Variants in KHDRBS2 observed in about 807,000 individuals in gnomAD.
KHDRBS2 encodes the protein KH domain-containing, RNA-binding, signal transduction-associated protein 2.
In KHDRBS2, 26 loss-of-function variants were observed where a neutral mutation model predicts 44.3. The observed-to-expected ratio is 0.59, with a 90% CI of 0.43 to 0.81. The LOEUF (loss-of-function observed/expected upper bound fraction) is 0.81, where lower values mean the gene tolerates loss of function less well. Among genes scored for constraint, KHDRBS2 ranks in the 40% least tolerant of loss-of-function variants. KHDRBS2 has a pLI of 0.00. For missense variants in KHDRBS2, 476 were observed against 433.1 expected (o/e 1.10, Z -0.88); for synonymous variants, 194 against 151.1 (o/e 1.28, Z -2.08).
At chr6:61,543,951 G>A in the KHDRBS2 span, among the ~76,000 whole-genome samples, 32 of 151,840 alleles carry the variant, frequency 2.1e-4, no homozygotes, top group Non-Finnish European at 3.8e-4. Context: ...CCAGCAGCTG[G>A]GAAGGGTAAT....
the KHDRBS2 span, among the ~76,000 whole-genome samples, chr6:61,615,233 C>CAAAAAA: frequency 0.2 from 11,774 of 57,658 alleles, 1,732 homozygotes; most frequent in South Asian, 0.27. Context: ...ACTCCATCTC[C>CAAAAAA]AAAAAAAAAA....
chr6:62,267,397 T>C (rs1399380018), intron 1 of KHDRBS2, among the ~76,000 whole-genome samples: 1 of 152,042 alleles, frequency 6.6e-6, no homozygotes, highest in Non-Finnish European at 1.5e-5. Flanking sequence ...TAATGCCAAG[T>C]TCCCATCAGA....
At chr6:61,610,307 G>T in the KHDRBS2 span, among the ~76,000 whole-genome samples, 1 of 151,984 alleles carries the variant, frequency 6.6e-6, no homozygotes, top group Non-Finnish European at 1.5e-5. Context: ...ATTTAGCATG[G>T]TTTTAAAAGA....
At chr6:61,543,236 T>C in the KHDRBS2 span, among the ~76,000 whole-genome samples, 1 of 151,848 alleles carries the variant, frequency 6.6e-6, no homozygotes, top group Non-Finnish European at 1.5e-5. Flanking sequence ...TAATAAAGTA[T>C]ATAATGATCT....
intron 6 of KHDRBS2, among the ~76,000 whole-genome samples, chr6:61,891,554 G>C (rs1801843709): frequency 6.6e-6 from 1 of 152,040 alleles, no homozygotes; most frequent in Non-Finnish European, 1.5e-5. Flanking sequence ...CTGTGAATCT[G>C]TCTGGTCCTG....
intron 2 of KHDRBS2, among the ~76,000 whole-genome samples, chr6:62,087,819 T>C (rs1798691287): frequency 6.6e-6 from 1 of 152,192 alleles, no homozygotes; most frequent in Non-Finnish European, 1.5e-5. Context: ...CCTGTCACCT[T>C]CAGGTACACC....
chr6:61,587,715 G>C, the KHDRBS2 span, among the ~76,000 whole-genome samples: 3 of 152,150 alleles, frequency 2.0e-5, no homozygotes, highest in South Asian at 4.2e-4. Context: ...ACAATGGATT[G>C]GTTAACTTTC....
At chr6:61,877,325 A>G (rs535032522) in intron 6 of KHDRBS2, among the ~76,000 whole-genome samples, 36 of 152,170 alleles carry the variant, frequency 2.4e-4, no homozygotes, top group African/African-American at 8.2e-4. Context: ...AAAGATAATT[A>G]CACACTTCCT....
intron 5 of KHDRBS2, 92 bp downstream of exon 5, chr6:61,901,152 T>C: frequency 8.3e-7 from 1 of 1,205,338 alleles, no homozygotes; most frequent in Middle Eastern, 2.0e-4. Context: ...TGGCTGATGT[T>C]GTTGTTTACT....
chr6:61,933,616 C>G (rs936659160), intron 4 of KHDRBS2, among the ~76,000 whole-genome samples: 3 of 152,098 alleles, frequency 2.0e-5, no homozygotes, highest in Non-Finnish European at 4.4e-5. Context: ...ATAGTATAGC[C>G]TATTGCTCAT....
chr6:61,823,864 T>C (rs568488032), intron 6 of KHDRBS2, among the ~76,000 whole-genome samples: 2 of 152,118 alleles, frequency 1.3e-5, no homozygotes, highest in African/African-American at 2.4e-5. Context: ...AAAACATGTA[T>C]ATGAGTCTCT....
At chr6:61,575,930 T>A in the KHDRBS2 span, among the ~76,000 whole-genome samples, 76 of 152,170 alleles carry the variant, frequency 5.0e-4, no homozygotes, top group African/African-American at 1.8e-3. Context: ...AAGAATGATA[T>A]AATGAACTTT....
intron 4 of KHDRBS2, among the ~76,000 whole-genome samples, chr6:61,959,049 A>T (rs1516713): frequency 0.014 from 2,089 of 152,248 alleles, 43 homozygotes; most frequent in African/African-American, 0.047. Context: ...TGTTCTTCAA[A>T]TGTTTTTGTG....
At chr6:61,843,516 C>G (rs1458104303) in intron 6 of KHDRBS2, among the ~76,000 whole-genome samples, 1 of 151,650 alleles carries the variant, frequency 6.6e-6, no homozygotes, top group Admixed American at 6.6e-5. Context: ...AGCCATGTAC[C>G]CCCACACCTG....
At chr6:61,547,760 G>T in the KHDRBS2 span, among the ~76,000 whole-genome samples, 1 of 152,144 alleles carries the variant, frequency 6.6e-6, no homozygotes, top group Non-Finnish European at 1.5e-5. Context: ...AGTGCAGTCA[G>T]GGTGAGATCG....
chr6:62,102,388 C>A (rs527749566), intron 2 of KHDRBS2, among the ~76,000 whole-genome samples: 13 of 152,268 alleles, frequency 8.5e-5, no homozygotes, highest in African/African-American at 2.9e-4. Context: ...ACTGCAGGCA[C>A]CAGGCAATTC....
At chr6:62,189,523 G>A (rs574750039) in intron 1 of KHDRBS2, among the ~76,000 whole-genome samples, 29 of 152,014 alleles carry the variant, frequency 1.9e-4, no homozygotes, top group African/African-American at 6.8e-4. Context: ...TCATGAGACA[G>A]AACTTTTATT....
chr6:61,859,472 TA>T lies in KHDRBS2; in HGVS notation c.810+35162del, dbSNP rs201569784. On this transcript the variant is annotated intron_variant, in intron 6 of 8. Transcript: ENST00000281156. ...TAAGTGTCTTATCTCCAAGTCAAATTAAAAAAAAAAGTCGCCCATTTATATG... is the reference window on the plus strand; with the variant it reads ...TAAGTGTCTTATCTCCAAGTCAAATTAAAAAAAAAGTCGCCCATTTATATG... 7.5e-3 allele frequency among the ~76,000 whole-genome samples: 1,112 copies of T among 147,722 alleles called. 20 individuals are homozygous for T. The highest frequency in any genetic ancestry group is 0.024 in the African/African-American group (969 of 40,416).
intron 1 of KHDRBS2, among the ~76,000 whole-genome samples, chr6:62,182,571 C>A (rs1822551202): frequency 6.6e-6 from 1 of 151,750 alleles, no homozygotes; most frequent in Non-Finnish European, 1.5e-5. Flanking sequence ...TACTTCTCTC[C>A]AAATTCATCA....
Sources: allele counts gnomAD v4.1 joint callset (sites outside exome capture counted in the v4.1 genomes callset), GRCh38; gene constraint gnomAD v4.1.1; transcripts MANE v1.5; gene names NCBI Gene and HGNC (gene_info 2026-07-23, HGNC 2026-07-21).